Variants in IMMP2L observed in about 807,000 individuals in gnomAD.
IMMP2L encodes the protein inner mitochondrial membrane peptidase subunit 2.
A neutral mutation model predicts 19.3 loss-of-function variants in IMMP2L; 18 were observed. That is an observed-to-expected ratio of 0.93 (90% CI 0.64 to 1.38). IMMP2L has a LOEUF of 1.38. IMMP2L is among the 40% of genes most tolerant of loss of function. The probability of loss-of-function intolerance (pLI) is 0.00; values close to 1 mark genes in which losing one functional copy is unlikely to be tolerated. For synonymous variants in IMMP2L, 76 were observed against 73.0 expected (o/e 1.04, Z -0.21); for missense variants, 233 against 218.2 (o/e 1.07, Z -0.43).
Position 110,756,936 on chromosome 7 carries a change from G to A in IMMP2L, c.409-93215C>T, listed in dbSNP as rs554974185. On this transcript the variant is annotated intron_variant, in intron 5 of 5. Transcript: ENST00000405709. ...GCCTTTCTTCTTCCATTTTTTAAGA[G>A]AATGGTTTATACATTTTATTTGTAT... Among the ~76,000 whole-genome samples the A allele has an allele frequency of 5.3e-5, 8 of 152,066 alleles. No homozygotes were observed. The South Asian group carries it at 1.5e-3, about 28-fold the overall frequency.
intron 5 of IMMP2L, among the ~76,000 whole-genome samples, chr7:110,712,903 A>G (rs1794985762): frequency 7.1e-6 from 1 of 141,172 alleles, no homozygotes; most frequent in Non-Finnish European, 1.5e-5. Context: ...GCCTGCGCAC[A>G]CTGTCTGGCA....
chr7:111,069,391 A>T (rs1794767871), intron 3 of IMMP2L, among the ~76,000 whole-genome samples: 1 of 152,176 alleles, frequency 6.6e-6, no homozygotes, highest in South Asian at 2.1e-4. Context: ...TAATGAACTA[A>T]TCTATAACAA....
chr7:110,967,083 T>C (rs1338667370), intron 3 of IMMP2L, among the ~76,000 whole-genome samples: 1 of 152,112 alleles, frequency 6.6e-6, no homozygotes, highest in African/African-American at 2.4e-5. Context: ...TGATTTAATT[T>C]GGCAAGATTT....
intron 3 of IMMP2L, among the ~76,000 whole-genome samples, chr7:111,350,619 C>T (rs904845392): frequency 6.6e-6 from 1 of 151,916 alleles, no homozygotes; most frequent in African/African-American, 2.4e-5. Flanking sequence ...TATCTGAAGT[C>T]GTGTATTGAT....
intron 3 of IMMP2L, among the ~76,000 whole-genome samples, chr7:111,053,450 T>G (rs1267362840): frequency 6.6e-6 from 1 of 152,226 alleles, no homozygotes; most frequent in Non-Finnish European, 1.5e-5. Flanking sequence ...CCTCTTAATG[T>G]ACATGCTTGA....
At chr7:110,916,930 T>C (rs538016868) in intron 4 of IMMP2L, among the ~76,000 whole-genome samples, 42 of 152,016 alleles carry the variant, frequency 2.8e-4, no homozygotes, top group Non-Finnish European at 5.0e-4. Flanking sequence ...GGTATAGTGG[T>C]CCCCCCAAAA....
chr7:110,783,928 A>G (rs562507266), intron 5 of IMMP2L, among the ~76,000 whole-genome samples: 1 of 151,910 alleles, frequency 6.6e-6, no homozygotes, highest in African/African-American at 2.4e-5. Context: ...CCATAAAAAG[A>G]CATTGGACTA....
intron 3 of IMMP2L, among the ~76,000 whole-genome samples, chr7:111,452,707 T>G (rs1179412360): frequency 6.6e-6 from 1 of 152,064 alleles, no homozygotes. Flanking sequence ...AGTCGCAAGG[T>G]AGAGGAAATA....
At chr7:111,550,475 G>C (rs1849347493) in intron 1 of IMMP2L, among the ~76,000 whole-genome samples, 1 of 152,114 alleles carries the variant, frequency 6.6e-6, no homozygotes, top group Non-Finnish European at 1.5e-5. Context: ...TGTCCATGTA[G>C]TTTCATCAAT....
intron 5 of IMMP2L, among the ~76,000 whole-genome samples, chr7:110,778,665 G>A (rs1799548738): frequency 6.6e-6 from 1 of 151,958 alleles, no homozygotes; most frequent in African/African-American, 2.4e-5. Context: ...GAAGAATAAG[G>A]ATGGAACCAA....
At chr7:110,939,554 A>G (rs1197750560) in intron 4 of IMMP2L, among the ~76,000 whole-genome samples, 2 of 152,172 alleles carry the variant, frequency 1.3e-5, no homozygotes. Context: ...TGACAACAGC[A>G]TGAAGCACTG....
chr7:111,013,050 T>G (rs567238282), intron 3 of IMMP2L, among the ~76,000 whole-genome samples: 1 of 152,186 alleles, frequency 6.6e-6, no homozygotes, highest in African/African-American at 2.4e-5. Flanking sequence ...GTATGATTCC[T>G]AAATTCATGA....
chr7:110,995,263 A>G (rs1822910783), intron 3 of IMMP2L, among the ~76,000 whole-genome samples: 2 of 152,174 alleles, frequency 1.3e-5, no homozygotes. Context: ...GGAAACTTAC[A>G]ATGGATCAGA....
At chr7:111,532,324 T>C (rs1847468587) in intron 1 of IMMP2L, among the ~76,000 whole-genome samples, 1 of 152,158 alleles carries the variant, frequency 6.6e-6, no homozygotes, top group Non-Finnish European at 1.5e-5. Context: ...TTCGGTCTTA[T>C]TTTAGAATGG....
chr7:111,013,151 C>T (rs1585744364), intron 3 of IMMP2L, among the ~76,000 whole-genome samples: 2 of 152,156 alleles, frequency 1.3e-5, no homozygotes, highest in Non-Finnish European at 2.9e-5. Context: ...TACCTAAGGA[C>T]AGATGAGGCT....
chr7:111,131,244 C>T (rs1801819444), intron 3 of IMMP2L, among the ~76,000 whole-genome samples: 1 of 151,306 alleles, frequency 6.6e-6, no homozygotes, highest in South Asian at 2.1e-4. Context: ...TGAACCACAA[C>T]AAAAATAACT....
At chr7:111,031,934 A>ATTTTTTTTT (rs57560784) in intron 3 of IMMP2L, among the ~76,000 whole-genome samples, 4 of 108,070 alleles carry the variant, frequency 3.7e-5, no homozygotes, top group Non-Finnish European at 5.3e-5. Flanking sequence ...AACACCAGAG[A>ATTTTTTTTT]TTTTTTTTTT....
intron 5 of IMMP2L, among the ~76,000 whole-genome samples, chr7:110,881,626 T>C (rs897123585): frequency 2.6e-5 from 4 of 152,338 alleles, no homozygotes; most frequent in South Asian, 4.1e-4. Flanking sequence ...TGACCTTTTT[T>C]AAAATTTGAA....
intron 3 of IMMP2L, among the ~76,000 whole-genome samples, chr7:110,985,039 T>C (rs544262638): frequency 4.6e-5 from 7 of 152,104 alleles, no homozygotes; most frequent in African/African-American, 1.7e-4. Flanking sequence ...GGCAACACAG[T>C]GTTAGAGAGA....
Sources: gnomAD v4.1 joint callset for allele counts (sites outside exome capture counted in the v4.1 genomes callset) on GRCh38, gnomAD v4.1.1 for gene constraint, MANE v1.5 for transcripts, NCBI Gene and HGNC (gene_info 2026-07-23, HGNC 2026-07-21) for gene names.